Variants in ADPRM observed in about 807,000 individuals in gnomAD.
ADPRM encodes ADP-ribose/CDP-alcohol diphosphatase, manganese dependent, also known as manganese-dependent ADP-ribose/CDP-alcohol diphosphatase.
In ADPRM, 17 loss-of-function variants were observed where a neutral mutation model predicts 27.2. That is an observed-to-expected ratio of 0.63 (90% CI 0.43 to 0.94). The LOEUF is 0.94. ADPRM is among the 40% of genes least tolerant of loss of function. ADPRM has a pLI of 0.00. For missense variants in ADPRM, 337 were observed against 412.8 expected, an observed-to-expected ratio of 0.82 and a Z score of 1.59; for synonymous variants, 135 against 145.3, an observed-to-expected ratio of 0.93 and a Z score of 0.51.
At chr17:10,710,259 G>A (rs551230802) in intron 3 of ADPRM, among the ~76,000 whole-genome samples, 2 of 152,156 alleles carry the variant, frequency 1.3e-5, no homozygotes, top group South Asian at 2.1e-4. Context: ...ATACCACCAC[G>A]CCTGGCTAAT....
intron 1 of ADPRM, among the ~76,000 whole-genome samples, chr17:10,703,514 A>G (rs955752781): frequency 6.6e-6 from 1 of 151,580 alleles, no homozygotes; most frequent in South Asian, 2.1e-4. Context: ...TATCATTAGT[A>G]ACAACAGTTT....
chr17:10,697,722 G>T (rs1222830942), intron 1 of ADPRM, 55 bp downstream of exon 1: 1 of 654,890 alleles, frequency 1.5e-6, no homozygotes, highest in Non-Finnish European at 2.6e-6. Context: ...GCGGTGCTGC[G>T]GGGCCGCGGG....
Position 10,706,423 on chromosome 17 carries a change from C to T in ADPRM, c.602-15C>T. ...AAAATGACTTGATGGGGCTAACTTA[C>T]TGAATTCATTTCAGGACTTTCTGAG... On this transcript the variant is annotated splice_polypyrimidine_tract_variant and intron_variant, in intron 2 of 3. Transcript: ENST00000379774. The T allele has an allele frequency of 1.0e-5, 16 of 1,568,958 alleles. No individual in the cohort carries two copies. Among genetic ancestry groups the T allele is most frequent in the Non-Finnish European group, 1.4e-5 (16 of 1,151,152 alleles).
chr17:10,699,827 C>G (rs1247026380), intron 1 of ADPRM, among the ~76,000 whole-genome samples: 1 of 152,128 alleles, frequency 6.6e-6, no homozygotes, highest in Non-Finnish European at 1.5e-5. Flanking sequence ...CCACCACACC[C>G]GGCCCCAATT....
At position 10,705,027 on chromosome 17, in the gene ADPRM, G is replaced by T. The variant is rs754423462; in HGVS notation, c.101G>T (p.Gly34Val). The T allele has an allele frequency of 6.2e-7, 1 of 1,614,036 alleles. No individual in the cohort carries two copies. ...GTTCAATTTGCAGACTTAGAAGATG[G>T]CTTTAATTTCCAAGGAACCAGGCGG... ...ADVQFADLED[G>V]FNFQGTRRRY... The change falls in exon 2 of 4, where the codon GGC becomes GTC. Residue 34 changes from glycine to valine, a missense_variant. Coordinates refer to ENST00000379774, the MANE Select transcript of ADPRM (RefSeq NM_020233.5). This position sits in a 1 kb window ranked among gnomAD's most constrained non-coding sequence, Gnocchi z 5.4.
Position 10,702,803 on chromosome 17 carries a change from T to C in ADPRM, c.-17-2107T>C, listed in dbSNP as rs1488376783. On this transcript the variant is annotated intron_variant, in intron 1 of 3. Transcript: ENST00000379774. This position sits in a 1 kb window ranked among gnomAD's most constrained non-coding sequence, Gnocchi z 4.2. ...GACCACAAGAACTGAGAGTGGGGAA[T>C]TGGATAAATGCCTAGAGAAAAATTG... 6.6e-6 allele frequency among the ~76,000 whole-genome samples: 1 copy of C among 152,114 alleles called. No individual in the cohort carries two copies. Among genetic ancestry groups the C allele is most frequent in the African/African-American group, 2.4e-5 (1 of 41,430 alleles).
At position 10,697,649 on chromosome 17, in the gene ADPRM, G is replaced by T; in HGVS notation, c.-36G>T. The T allele has an allele frequency of 1.9e-6, 2 of 1,054,302 alleles. No homozygotes were observed. Among genetic ancestry groups the T allele is most frequent in the Non-Finnish European group, 2.8e-6 (2 of 704,804 alleles). The allele number at this position is 1,054,302 out of a possible 1,614,324, so 65.3% of individuals were successfully genotyped here. A position where few individuals can be genotyped will look rare whatever the true frequency, so the allele number is the denominator to read the frequency against. ...ATAGCCCGTAGTCAGAGGCCTTTCA[G>T]CCCAGGGGCCGGCGCACGGTAGGTA... On this transcript the variant is annotated 5_prime_UTR_variant, in exon 1 of 4. Coordinates refer to ENST00000379774, the MANE Select transcript of ADPRM (RefSeq NM_020233.5).
In ADPRM at chr17:10,702,005, A is replaced by C. The variant is rs1181893335; in HGVS notation, c.-17-2905A>C. 1.3e-5 allele frequency among the ~76,000 whole-genome samples: 2 copies of C among 152,218 alleles called. No individual in the cohort carries two copies. Among genetic ancestry groups the C allele is most frequent in the African/African-American group, 4.8e-5 (2 of 41,460 alleles). ...CCCTGAATATGTTTCTGAAATCTGA[A>C]ATGGCCCCAAATCAGAAATTTGAGC... On this transcript the variant is annotated intron_variant, in intron 1 of 3. Coordinates refer to ENST00000379774, the MANE Select transcript of ADPRM (RefSeq NM_020233.5). The surrounding 1 kb of genome is among the most constrained non-coding windows in gnomAD (Gnocchi z 4.2).
At chr17:10,709,792 C>T (rs563009463) in intron 3 of ADPRM, among the ~76,000 whole-genome samples, 2 of 151,568 alleles carry the variant, frequency 1.3e-5, no homozygotes, top group African/African-American at 4.8e-5. Context: ...TAAAAATGAA[C>T]GGTAATAGAC....
chr17:10,707,932 C>A (rs530235254), intron 3 of ADPRM, among the ~76,000 whole-genome samples: 1 of 152,280 alleles, frequency 6.6e-6, no homozygotes, highest in South Asian at 2.1e-4. Context: ...TGCAGCATGG[C>A]TGGGAGACTT....
chr17:10,701,469 T>C (rs1190532067), intron 1 of ADPRM, among the ~76,000 whole-genome samples: 2 of 152,236 alleles, frequency 1.3e-5, no homozygotes, highest in East Asian at 3.9e-4. Flanking sequence ...TAGCTGGGAC[T>C]ACAGGCGCCT....
intron 3 of ADPRM, among the ~76,000 whole-genome samples, chr17:10,708,289 C>T (rs994078906): frequency 7.9e-5 from 12 of 151,526 alleles, no homozygotes; most frequent in Non-Finnish European, 1.8e-4. Flanking sequence ...ATTAGCCGGG[C>T]GTGGTGGCAG....
Position 10,697,665 on chromosome 17 carries a change from A to T in ADPRM, c.-20A>T, listed in dbSNP as rs531390364. The T allele has an allele frequency of 1.1e-6, 1 of 912,252 alleles. No homozygotes were observed. Among genetic ancestry groups the T allele is most frequent in the Admixed American group, 2.0e-5 (1 of 49,360 alleles). The allele number at this position is 912,252 out of a possible 1,614,324, so 56.5% of individuals were successfully genotyped here. A position where few individuals can be genotyped will look rare whatever the true frequency, so the allele number is the denominator to read the frequency against. On this transcript the variant is annotated splice_region_variant and 5_prime_UTR_variant, in exon 1 of 4. Coordinates refer to ENST00000379774, the MANE Select transcript of ADPRM (RefSeq NM_020233.5). ...GGCCTTTCAGCCCAGGGGCCGGCGCACGGTAGGTAGTTCCCTGCGGCTGGA... is the reference window on the plus strand; with the variant it reads ...GGCCTTTCAGCCCAGGGGCCGGCGCTCGGTAGGTAGTTCCCTGCGGCTGGA...
At position 10,705,459 on chromosome 17, in the gene ADPRM, C is replaced by T; in HGVS notation, c.533C>T (p.Pro178Leu). ...LSVLGVDQSS[P>L]KYEQCMKILR... ...GTCTTGGGCGTGGATCAGTCTTCTCCAAAATACGAGCAGTGTATGAAGATA... is the reference window on the plus strand; with the variant it reads ...GTCTTGGGCGTGGATCAGTCTTCTCTAAAATACGAGCAGTGTATGAAGATA... Residue 178 changes from proline (P) to leucine (L), a missense_variant, in exon 2 of 4, where the codon CCA becomes CTA. Physicochemically the swap from Pro to Leu is moderately conservative, Grantham distance 98. Transcript: ENST00000379774. The surrounding 1 kb of genome is among the most constrained non-coding windows in gnomAD (Gnocchi z 5.4). 6.2e-7 allele frequency: 1 copy of T among 1,613,992 alleles called. No individual in the cohort carries two copies. Among genetic ancestry groups the T allele is most frequent in the East Asian group, 2.2e-5 (1 of 44,866 alleles).
In ADPRM at chr17:10,711,071, T is replaced by C. The variant is rs780424819; in HGVS notation, c.956T>C (p.Met319Thr). The C allele has an allele frequency of 6.2e-7, 1 of 1,614,036 alleles. No individual in the cohort carries two copies. The highest frequency in any genetic ancestry group is 2.2e-5 in the East Asian group (1 of 44,886). ...FGTVHVYPDK[M>T]MLKGRGRVPD... The stretch of plus-strand genomic sequence containing the variant: ...ACAGTTCATGTCTATCCTGACAAAA[T>C]GATGTTGAAAGGGAGAGGCAGAGTT... The change falls in exon 4 of 4, where the codon ATG becomes ACG. Residue 319 changes from methionine to threonine, a missense_variant. Met to Thr is a moderately conservative substitution (Grantham distance 81, BLOSUM62 -1). Coordinates refer to ENST00000379774, the MANE Select transcript of ADPRM (RefSeq NM_020233.5).
intron 1 of ADPRM, 151 bp downstream of exon 1, chr17:10,697,818 C>A: frequency 2.6e-6 from 1 of 391,424 alleles, no homozygotes; most frequent in African/African-American, 2.2e-5. Flanking sequence ...GCTGGGGGCC[C>A]CCGCTTTGGT....
chr17:10,705,464 T>C lies in ADPRM; in HGVS notation c.538T>C (p.Tyr180His). 1.2e-6 allele frequency: 2 copies of C among 1,614,040 alleles called. No homozygotes were observed. Among genetic ancestry groups the C allele is most frequent in the Non-Finnish European group, 1.7e-6 (2 of 1,180,018 alleles). Reference protein sequence around the residue: ...VLGVDQSSPKYEQCMKILREH... With the variant: ...VLGVDQSSPKHEQCMKILREH... ...GGGCGTGGATCAGTCTTCTCCAAAA[T>C]ACGAGCAGTGTATGAAGATATTGAG... Residue 180 changes from tyrosine (Y) to histidine (H), a missense_variant, in exon 2 of 4, where the codon TAC becomes CAC. Coordinates refer to ENST00000379774, the MANE Select transcript of ADPRM (RefSeq NM_020233.5). The surrounding 1 kb of genome is among the most constrained non-coding windows in gnomAD (Gnocchi z 5.4).
intron 3 of ADPRM, among the ~76,000 whole-genome samples, chr17:10,709,443 G>A (rs971343980): frequency 8.5e-5 from 13 of 152,172 alleles, no homozygotes; most frequent in Non-Finnish European, 1.8e-4. Flanking sequence ...CGAGGACCAA[G>A]CATTCAGGCA....
Position 10,705,053 on chromosome 17 carries a change from C to T in ADPRM, c.127C>T (p.Arg43Ter). ...CTTTAATTTCCAAGGAACCAGGCGG[C>T]GATACTACAGACATAGTCTTCTTCA... is the stretch of plus-strand genomic sequence containing the variant. ...DGFNFQGTRR[R>*]YYRHSLLHLQ... The change falls in exon 2 of 4, where the codon CGA (arginine) becomes TGA (stop). Residue 43 changes from arginine (R) to a stop codon, truncating the protein, a stop_gained. Coordinates refer to ENST00000379774, the MANE Select transcript of ADPRM (RefSeq NM_020233.5). LOFTEE classifies it high-confidence loss of function. This position sits in a 1 kb window ranked among gnomAD's most constrained non-coding sequence, Gnocchi z 5.4. 3.1e-6 allele frequency: 5 copies of T among 1,614,028 alleles called. No homozygotes were observed. Among genetic ancestry groups the T allele is most frequent in the Non-Finnish European group, 4.2e-6 (5 of 1,179,998 alleles).
Sources: allele counts gnomAD v4.1 joint callset (sites outside exome capture counted in the v4.1 genomes callset), GRCh38; gene constraint gnomAD v4.1.1; non-coding constraint Gnocchi (gnomAD v3.1); transcripts MANE v1.5; gene names NCBI Gene and HGNC (gene_info 2026-07-23, HGNC 2026-07-21).